Variants in DHX33 observed in about 807,000 individuals in gnomAD.
DHX33 encodes the protein DEAH-box helicase 33.
A neutral mutation model predicts 72.5 loss-of-function variants in DHX33; 42 were observed. The ratio of observed to expected loss-of-function variants is 0.58; its 90% CI spans 0.45 to 0.75. DHX33 has a LOEUF of 0.75. Among genes scored for constraint, DHX33 ranks in the 30% least tolerant of loss-of-function variants. The pLI is 0.00. For synonymous variants in DHX33, 358 were observed against 366.1 expected, an observed-to-expected ratio of 0.98 and a Z score of 0.25; for missense variants, 842 against 917.5, an observed-to-expected ratio of 0.92 and a Z score of 1.06.
At chr17:5,452,642 C>T (rs1281788689) in intron 8 of DHX33, among the ~76,000 whole-genome samples, 4 of 152,148 alleles carry the variant, frequency 2.6e-5, no homozygotes, top group Admixed American at 2.0e-4. Flanking sequence ...CACCTGAGCC[C>T]GGGAGGTTGA....
intron 4 of DHX33, among the ~76,000 whole-genome samples, chr17:5,459,269 A>G (rs1295147543): frequency 6.6e-6 from 1 of 152,248 alleles, no homozygotes; most frequent in South Asian, 2.1e-4. Flanking sequence ...GAAAGCTAAT[A>G]GGAAGGTAAA....
chr17:5,449,012 G>T, intron 10 of DHX33, 117 bp from the exon 11 acceptor site: 1 of 639,580 alleles, frequency 1.6e-6, no homozygotes, highest in Non-Finnish European at 2.6e-6. Flanking sequence ...ATAGCTCACT[G>T]CAAACCAATC....
intron 11 of DHX33, 109 bp downstream of exon 11, chr17:5,448,700 C>T: frequency 1.4e-6 from 1 of 715,304 alleles, no homozygotes; most frequent in South Asian, 3.1e-5. Context: ...GTGAAATTTG[C>T]TACAATGAGA....
intron 8 of DHX33, 75 bp downstream of exon 8, chr17:5,453,505 T>C: frequency 8.3e-7 from 1 of 1,201,712 alleles, no homozygotes; most frequent in Non-Finnish European, 1.2e-6. Flanking sequence ...CAATATACTT[T>C]ATTTTTTTGG....
rs1167892825 is a variant in DHX33 at position 5,468,934 on chromosome 17, ACACCGCCCCTTCCT to A, written c.-89_-76del. On this transcript the variant is annotated 5_prime_UTR_variant, in exon 1 of 12. Coordinates refer to ENST00000225296, the MANE Select transcript of DHX33 (RefSeq NM_020162.4). ...CCTCTCAGGTGCAGACAACAGGAGC[ACACCGCCCCTTCCT>A]CGCCGCCACGTGCTGGCGGCTCCCG... 1.0e-5 allele frequency: 15 copies of A among 1,478,544 alleles called. No homozygotes were observed. The highest frequency in any genetic ancestry group is 1.3e-5 in the Non-Finnish European group (14 of 1,095,030). 91.6% of individuals were successfully genotyped at this position (1,478,544 alleles called of 1,614,324 possible). A position where few individuals can be genotyped will look rare whatever the true frequency, so the allele number is the denominator to read the frequency against.
chr17:5,464,701 A>G (rs1904794228), intron 1 of DHX33, among the ~76,000 whole-genome samples: 1 of 152,264 alleles, frequency 6.6e-6, no homozygotes, highest in South Asian at 2.1e-4. Context: ...TAGTTAAAAT[A>G]TAAAATAAAA....
In DHX33 at chr17:5,444,420, G is replaced by A. The variant is rs138828361; in HGVS notation, c.1909C>T (p.Pro637Ser). 5.1e-5 allele frequency: 83 copies of A among 1,614,196 alleles called. No homozygotes were observed. The African/African-American group carries it at 1.0e-3, about 20-fold the overall frequency. ...TCCGTGGTGGCATAGGTGCCATCTG[G>A]CTGAAGCTCGGCGGTGCTCATGAAG... ...SLFMSTAELQ[P>S]DGTYATTDTH... The change falls in exon 12 of 12, where the codon CCA becomes TCA. Residue 637 changes from proline to serine, a missense_variant. Pro to Ser is a moderately conservative substitution (Grantham distance 74, BLOSUM62 -1). Transcript: ENST00000225296. This position sits in a 1 kb window ranked among gnomAD's most constrained non-coding sequence, Gnocchi z 4.9.
intron 1 of DHX33, 132 bp downstream of exon 1, chr17:5,468,439 G>T: frequency 8.0e-7 from 1 of 1,244,472 alleles, no homozygotes; most frequent in South Asian, 1.5e-5. Context: ...CCCCTCTCCA[G>T]GTCTGGCCCA....
intron 1 of DHX33, 116 bp downstream of exon 1, chr17:5,468,455 G>A (rs534905452): frequency 2.3e-6 from 3 of 1,320,342 alleles, no homozygotes; most frequent in South Asian, 2.9e-5. Context: ...GCCCAGAAAA[G>A]GTATTCAGGT....
In DHX33 at chr17:5,446,252, G is replaced by A. The variant is rs149060448; in HGVS notation, c.1816-1739C>T. On this transcript the variant is annotated intron_variant, in intron 11 of 11. Coordinates refer to ENST00000225296, the MANE Select transcript of DHX33 (RefSeq NM_020162.4). ...GGCCTCCCAAAGTGCTGGGACTAGA[G>A]GCATAAGCCAGCCACCACACCTGGC... is the stretch of plus-strand genomic sequence containing the variant. 5.4e-4 allele frequency among the ~76,000 whole-genome samples: 82 copies of A among 152,278 alleles called. No homozygotes were observed. In the East Asian group the frequency reaches 0.015, roughly 28 times the overall value.
chr17:5,448,951 C>T, intron 10 of DHX33, 56 bp from the exon 11 acceptor site: 1 of 1,419,660 alleles, frequency 7.0e-7, no homozygotes. Context: ...TATATGTTCA[C>T]AGAGACGGGG....
In DHX33 at chr17:5,448,885, T is replaced by A. The variant is rs183575316; in HGVS notation, c.1739A>T (p.Lys580Ile). 125 of 1,612,962 alleles carry A rather than the reference T, an allele frequency of 7.7e-5. No individual in the cohort carries two copies. The highest frequency in any genetic ancestry group is 4.8e-4 in the Admixed American group (29 of 59,886). The part of the protein sequence containing the change: ...KNLGGNKDWC[K>I]ENFVNSKNMT... ...ATTCTTGCTGTTGACAAAATTCTCT[T>A]TGCACCAATCCTGAATAGGAGAAAG... The change falls in exon 11 of 12, where the codon AAA becomes ATA. Residue 580 changes from lysine to isoleucine, a missense_variant. By Grantham distance (102) the Lys-to-Ile change is moderately radical (BLOSUM62 -3). Coordinates refer to ENST00000225296, the MANE Select transcript of DHX33 (RefSeq NM_020162.4).
At position 5,467,539 on chromosome 17, in the gene DHX33, C is replaced by T. The variant is rs952083094; in HGVS notation, c.289+1032G>A. On this transcript the variant is annotated intron_variant, in intron 1 of 11. Coordinates refer to ENST00000225296, the MANE Select transcript of DHX33 (RefSeq NM_020162.4). ...GGCTAAGGTCAGCACGACCATAAAC[C>T]ACAAATAACATCTCCAGCCAGAAAC... Among the ~76,000 whole-genome samples the T allele has an allele frequency of 1.1e-4, 17 of 152,146 alleles. No homozygotes were observed. In the East Asian group the frequency reaches 2.7e-3, roughly 24 times the overall value.
intron 4 of DHX33, among the ~76,000 whole-genome samples, 190 bp downstream of exon 4, chr17:5,460,749 C>A (rs914666382): frequency 2.0e-5 from 3 of 152,158 alleles, no homozygotes; most frequent in African/African-American, 7.2e-5. Flanking sequence ...TCAGGTGATC[C>A]ACCTGCCTCG....
chr17:5,468,950 G>T lies in DHX33; in HGVS notation c.-91C>A. The T allele has an allele frequency of 1.6e-6, 2 of 1,266,560 alleles. No homozygotes were observed. Among genetic ancestry groups the T allele is most frequent in the Non-Finnish European group, 2.2e-6 (2 of 919,652 alleles). The allele number at this position is 1,266,560 out of a possible 1,614,324, so 78.5% of individuals were successfully genotyped here. On this transcript the variant is annotated 5_prime_UTR_variant, in exon 1 of 12. Coordinates refer to ENST00000225296, the MANE Select transcript of DHX33 (RefSeq NM_020162.4). Reference sequence around the variant, plus strand: ...AACAGGAGCACACCGCCCCTTCCTCGCCGCCACGTGCTGGCGGCTCCCGGC... The same window carrying T: ...AACAGGAGCACACCGCCCCTTCCTCTCCGCCACGTGCTGGCGGCTCCCGGC...
At position 5,460,986 on chromosome 17, in the gene DHX33, T is replaced by C. The variant is rs758875230; in HGVS notation, c.802A>G (p.Asn268Asp). The change falls in exon 4 of 12, where the codon AAT becomes GAT. Residue 268 changes from asparagine (N) to aspartate (D), a missense_variant. Physicochemically the swap from Asn to Asp is conservative, Grantham distance 23. Coordinates refer to ENST00000225296, the MANE Select transcript of DHX33 (RefSeq NM_020162.4). The stretch of plus-strand genomic sequence containing the variant: ...ACAAGCGCGGCGTGCAGGTAATCAT[T>C]CTGAGGCTGTTTGGTGTAAAACACC... ...IQVFYTKQPQ[N>D]DYLHAALVSV... 7.4e-6 allele frequency: 12 copies of C among 1,613,942 alleles called. 1 individual carries two copies. Among genetic ancestry groups the C allele is most frequent in the Non-Finnish European group, 1.0e-5 (12 of 1,179,984 alleles).
At chr17:5,462,620 A>G in intron 2 of DHX33, 74 bp from the exon 3 acceptor site, 2 of 1,044,414 alleles carry the variant, frequency 1.9e-6, no homozygotes, top group Non-Finnish European at 2.9e-6. Context: ...TAAGTTGGGC[A>G]CTTGCACTAC....
intron 4 of DHX33, among the ~76,000 whole-genome samples, chr17:5,459,779 TAA>T (rs1904495549): frequency 6.6e-6 from 1 of 152,082 alleles, no homozygotes; most frequent in African/African-American, 2.4e-5. Flanking sequence ...CTACATGTAG[TAA>T]AAGACACAGT....
chr17:5,459,287 A>T (rs1904471473), intron 4 of DHX33, among the ~76,000 whole-genome samples: 1 of 152,224 alleles, frequency 6.6e-6, no homozygotes, highest in South Asian at 2.1e-4. Context: ...AAAAACATTA[A>T]ATTTTATACA....
Sources: gnomAD v4.1 joint callset for allele counts (sites outside exome capture counted in the v4.1 genomes callset) on GRCh38, gnomAD v4.1.1 for gene constraint, Gnocchi (gnomAD v3.1) non-coding constraint, MANE v1.5 for transcripts, NCBI Gene and HGNC (gene_info 2026-07-23, HGNC 2026-07-21) for gene names.